CTNNA3: variants seen among roughly 807,000 people sequenced by gnomAD.
CTNNA3 encodes catenin alpha-3.
Under a neutral mutation model 95.7 loss-of-function variants are expected in CTNNA3, and 76 were observed. That is an observed-to-expected ratio of 0.79 (90% CI 0.66 to 0.96). CTNNA3 has a LOEUF of 0.96. CTNNA3 is among the 40% of genes least tolerant of loss of function. The probability of loss-of-function intolerance (pLI) is 0.00; values close to 1 mark genes in which losing one functional copy is unlikely to be tolerated. For synonymous variants in CTNNA3, 431 were observed against 374.4 expected, an observed-to-expected ratio of 1.15 and a Z score of -1.74; for missense variants, 1,191 against 1,089.8, an observed-to-expected ratio of 1.09 and a Z score of -1.31.
rs1426936213 is a variant in CTNNA3, at chr10:66,575,969, TAAGTA to T, written c.1374+45718_1374+45722del. On this transcript the variant is annotated intron_variant, in intron 10 of 17. Transcript: ENST00000433211. Reference sequence around the variant, plus strand: ...TGAAAATAACTGTGTGTTTGGCTGTTAAGTAAAGTTCAGCTGGACACATGATCTAG... The same window carrying T: ...TGAAAATAACTGTGTGTTTGGCTGTTAAGTTCAGCTGGACACATGATCTAG... Among the ~76,000 whole-genome samples the T allele has an allele frequency of 3.9e-5, 6 of 152,128 alleles. No homozygotes were observed. The East Asian group carries it at 7.7e-4, about 20-fold the overall frequency.
chr10:66,294,647 T>A (rs2091744356), intron 12 of CTNNA3, among the ~76,000 whole-genome samples: 1 of 152,150 alleles, frequency 6.6e-6, no homozygotes, highest in South Asian at 2.1e-4. Context: ...TTGGGACATT[T>A]GGTACTGAGA....
chr10:67,295,116 C>T (rs1839983869), intron 5 of CTNNA3, among the ~76,000 whole-genome samples: 1 of 152,158 alleles, frequency 6.6e-6, no homozygotes, highest in Admixed American at 6.5e-5. Context: ...ATTTATTTAG[C>T]ATTGGCTTCT....
intron 3 of CTNNA3, among the ~76,000 whole-genome samples, chr10:67,556,300 C>T (rs1841249328): frequency 6.6e-6 from 1 of 151,978 alleles, no homozygotes; most frequent in Non-Finnish European, 1.5e-5. Context: ...CCTGTTTTTC[C>T]ATAAATTGGA....
In CTNNA3 at chr10:67,665,243, A is replaced by AC. The variant is rs397707177; in HGVS notation, c.-5-17726_-5-17725insG. Among the ~76,000 whole-genome samples the AC allele has an allele frequency of 3.9e-5, 6 of 151,928 alleles. No individual in the cohort carries two copies. In the East Asian group the frequency reaches 1.2e-3, roughly 29 times the overall value. ...AATCTGCCTGAGTTGTGAAAGAAAA[A>AC]ATGTGTAAGAGAACCACATTTTTAT... On this transcript the variant is annotated intron_variant, in intron 1 of 17. Coordinates refer to ENST00000433211, the MANE Select transcript of CTNNA3 (RefSeq NM_013266.4).
chr10:66,584,879 A>G (rs1481210569), intron 10 of CTNNA3, among the ~76,000 whole-genome samples: 22 of 152,060 alleles, frequency 1.4e-4, no homozygotes. Context: ...GAGCTGGTTT[A>G]GTATTGACAA....
intron 7 of CTNNA3, among the ~76,000 whole-genome samples, chr10:67,082,084 A>G (rs1857085762): frequency 6.6e-6 from 1 of 152,234 alleles, no homozygotes; most frequent in African/African-American, 2.4e-5. Flanking sequence ...TGCAGATTGC[A>G]GTCAGCATTC....
chr10:67,065,954 G>A (rs150624691), intron 7 of CTNNA3, among the ~76,000 whole-genome samples: 13 of 151,672 alleles, frequency 8.6e-5, no homozygotes, highest in African/African-American at 2.9e-4. Flanking sequence ...AAAAAAATAT[G>A]CCACCAAGTA....
intron 4 of CTNNA3, among the ~76,000 whole-genome samples, chr10:67,525,818 C>G (rs1840122924): frequency 6.6e-6 from 1 of 152,196 alleles, no homozygotes; most frequent in South Asian, 2.1e-4. Context: ...AGTAGCATTG[C>G]TCCAAAACAA....
Position 66,767,186 on chromosome 10 carries a change from G to A in CTNNA3, c.1129-770C>T, listed in dbSNP as rs183394209. 9.2e-5 allele frequency among the ~76,000 whole-genome samples: 14 copies of A among 152,034 alleles called. No individual in the cohort carries two copies. In the South Asian group the frequency reaches 2.3e-3, roughly 25 times the overall value. ...TATCGGGCCAGGCACAGTGGCTCAT[G>A]CCTGTAATCCCAGCACTTTGGGAGG... is the stretch of plus-strand genomic sequence containing the variant. On this transcript the variant is annotated intron_variant, in intron 8 of 17. Coordinates refer to ENST00000433211, the MANE Select transcript of CTNNA3 (RefSeq NM_013266.4).
At chr10:66,169,874 G>GT (rs979158642) in intron 13 of CTNNA3, among the ~76,000 whole-genome samples, 5 of 151,762 alleles carry the variant, frequency 3.3e-5, no homozygotes, top group African/African-American at 7.3e-5. Context: ...GGATTGTTTG[G>GT]TTTTTTCTTG....
At chr10:67,479,374 CA>C (rs1013186438) in intron 5 of CTNNA3, among the ~76,000 whole-genome samples, 2 of 151,798 alleles carry the variant, frequency 1.3e-5, no homozygotes, top group African/African-American at 4.8e-5. Context: ...TCAATAAGTT[CA>C]AAAAAATGAA....
chr10:67,436,221 G>A (rs1846294480), intron 5 of CTNNA3, among the ~76,000 whole-genome samples: 1 of 152,098 alleles, frequency 6.6e-6, no homozygotes, highest in African/African-American at 2.4e-5. Context: ...CATGAAGTGA[G>A]GAGAGGACAC....
chr10:66,585,505 T>G (rs1177159611), intron 10 of CTNNA3, among the ~76,000 whole-genome samples: 1 of 151,948 alleles, frequency 6.6e-6, no homozygotes, highest in Non-Finnish European at 1.5e-5. Flanking sequence ...CACTGCATTT[T>G]GTAGTTGCCG....
chr10:66,260,012 G>A (rs1390408428), intron 13 of CTNNA3, among the ~76,000 whole-genome samples: 2 of 152,038 alleles, frequency 1.3e-5, no homozygotes, highest in African/African-American at 4.8e-5. Flanking sequence ...TACATGCTTC[G>A]ATATGCAGAA....
intron 12 of CTNNA3, among the ~76,000 whole-genome samples, chr10:66,334,507 G>T (rs2092371774): frequency 6.6e-6 from 1 of 151,860 alleles, no homozygotes; most frequent in Non-Finnish European, 1.5e-5. Flanking sequence ...AGTTTGGCTG[G>T]ATGTGAAATT....
chr10:66,068,862 T>C (rs1162438508), intron 15 of CTNNA3, among the ~76,000 whole-genome samples: 2 of 152,194 alleles, frequency 1.3e-5, no homozygotes, highest in East Asian at 3.8e-4. Flanking sequence ...TAAGTGATTA[T>C]AATTTCAAAT....
rs540281991 is a variant in CTNNA3, at chr10:65,915,445, T to G, written c.*4885A>C. 1 of 152,256 alleles carries G rather than the reference T, an allele frequency of 6.6e-6. No homozygotes were observed. The highest frequency in any genetic ancestry group is 2.4e-5 in the African/African-American group (1 of 41,538). 9.4% of individuals were successfully genotyped at this position (152,256 alleles called of 1,614,324 possible). On this transcript the variant is annotated 3_prime_UTR_variant, in exon 18 of 18. Transcript: ENST00000433211. ...TTCTGCAACTACCCCTCTCAGACCC[T>G]TCCCTACCTCTGGCACCTTCTTATT...
In CTNNA3 at chr10:66,102,389, A is replaced by G. The variant is rs565872967; in HGVS notation, c.1977+768T>C. ...TCCCACAGTAATCCTCATATGAAGGATACTATTAGTATCTCTGCTTTACAA... is the reference window on the plus strand; with the variant it reads ...TCCCACAGTAATCCTCATATGAAGGGTACTATTAGTATCTCTGCTTTACAA... On this transcript the variant is annotated intron_variant, in intron 14 of 17. Coordinates refer to ENST00000433211, the MANE Select transcript of CTNNA3 (RefSeq NM_013266.4). Among the ~76,000 whole-genome samples, 29 of 152,282 alleles carry G rather than the reference A, an allele frequency of 1.9e-4. No individual in the cohort carries two copies. In the South Asian group the frequency reaches 4.8e-3, roughly 25 times the overall value.
At chr10:66,295,930 G>T (rs111745851) in intron 12 of CTNNA3, among the ~76,000 whole-genome samples, 111 of 135,532 alleles carry the variant, frequency 8.2e-4, no homozygotes, top group African/African-American at 3.4e-3. Context: ...GAAAAATTTT[G>T]GAGATGGCAA....
Sources: allele counts gnomAD v4.1 joint callset (sites outside exome capture counted in the v4.1 genomes callset), GRCh38; gene constraint gnomAD v4.1.1; transcripts MANE v1.5; gene names NCBI Gene and HGNC (gene_info 2026-07-23, HGNC 2026-07-21).